ABLIM1: variants seen among roughly 807,000 people sequenced by gnomAD.
ABLIM1 encodes actin binding LIM protein 1.
ABLIM1 carries 40 observed loss-of-function variants against 107.0 expected under a neutral mutation model. The ratio of observed to expected loss-of-function variants is 0.37; its 90% CI spans 0.29 to 0.49. ABLIM1 has a LOEUF of 0.49. ABLIM1 is among the 20% of genes least tolerant of loss of function. The pLI is 0.97. For missense variants in ABLIM1, 857 were observed against 1,008.5 expected (o/e 0.85, Z 2.04); for synonymous variants, 357 against 357.3 (o/e 1.00, Z 0.01).
chr10:114,455,968 G>A (rs1305914244), intron 12 of ABLIM1, among the ~76,000 whole-genome samples: 4 of 151,996 alleles, frequency 2.6e-5, no homozygotes, highest in African/African-American at 7.3e-5. Context: ...GCCCGCCACC[G>A]CGCCCGGCTA....
chr10:114,520,488 G>A (rs1295072718), intron 6 of ABLIM1, among the ~76,000 whole-genome samples: 1 of 152,002 alleles, frequency 6.6e-6, no homozygotes, highest in Non-Finnish European at 1.5e-5. Context: ...GGAAATCAGT[G>A]CCATCGTGGG....
intron 1 of ABLIM1, among the ~76,000 whole-genome samples, chr10:114,734,551 C>G (rs2082141264): frequency 6.6e-6 from 1 of 152,170 alleles, no homozygotes; most frequent in East Asian, 1.9e-4. Context: ...GGAAGGCCCA[C>G]CTCACCCTCT....
intron 6 of ABLIM1, among the ~76,000 whole-genome samples, chr10:114,520,669 A>G (rs1243495830): frequency 6.6e-6 from 1 of 152,002 alleles, no homozygotes; most frequent in Admixed American, 6.6e-5. Context: ...GAAAAAAAAG[A>G]AAGAAAGAAA....
rs1437648137 is a variant in ABLIM1, at chr10:114,512,907, GGAAA to G, written c.895-21033_895-21030del. Among the ~76,000 whole-genome samples the G allele has an allele frequency of 8.3e-3, 1,117 of 134,486 alleles. 21 individuals carry two copies. The highest frequency in any genetic ancestry group is 0.029 in the African/African-American group (987 of 33,668). 88.2% of individuals were successfully genotyped at this position (134,486 alleles called of 152,430 possible). ...AGGAAGGAAGGAAGGAAGGAAGGAA[GGAAA>G]GAAAGAGAGAAAGAAAGAGAGAAAG... On this transcript the variant is annotated intron_variant, in intron 6 of 22. Transcript: ENST00000533213.
intron 1 of ABLIM1, among the ~76,000 whole-genome samples, chr10:114,740,475 C>T (rs2142277447): frequency 6.6e-6 from 1 of 151,784 alleles, no homozygotes; most frequent in South Asian, 2.1e-4. Context: ...CTTACTCTAC[C>T]GAGGAGGAAA....
At chr10:114,460,482 T>C (rs1294390436) in intron 12 of ABLIM1, among the ~76,000 whole-genome samples, 1 of 152,114 alleles carries the variant, frequency 6.6e-6, no homozygotes, top group Non-Finnish European at 1.5e-5. Flanking sequence ...ACGCCTGTAA[T>C]CCCAGCTACT....
Position 114,615,391 on chromosome 10 carries a change from C to T in ABLIM1, c.245-13430G>A, listed in dbSNP as rs569986764. On this transcript the variant is annotated intron_variant, in intron 1 of 22. Transcript: ENST00000533213. ...CAGCTCCCTCTCCTCCTTCTGGTCACACCCTCAAGCTTCTAGGTCACCTCC... is the reference window on the plus strand; with the variant it reads ...CAGCTCCCTCTCCTCCTTCTGGTCATACCCTCAAGCTTCTAGGTCACCTCC... Among the ~76,000 whole-genome samples, 24 of 152,310 alleles carry T rather than the reference C, an allele frequency of 1.6e-4. No individual in the cohort carries two copies. In the East Asian group the frequency reaches 4.1e-3, roughly 26 times the overall value.
At chr10:114,712,804 A>C (rs1234040356) in intron 1 of ABLIM1, among the ~76,000 whole-genome samples, 1 of 152,192 alleles carries the variant, frequency 6.6e-6, no homozygotes, top group Non-Finnish European at 1.5e-5. Flanking sequence ...ACTGTCAATG[A>C]TTTTCTATAA....
At chr10:114,703,607 C>T (rs2081348578) in intron 1 of ABLIM1, among the ~76,000 whole-genome samples, 1 of 152,244 alleles carries the variant, frequency 6.6e-6, no homozygotes, top group African/African-American at 2.4e-5. Context: ...TTAAAGACTA[C>T]AAGTGGCACT....
chr10:114,437,647 G>A (rs1049140887), intron 22 of ABLIM1, among the ~76,000 whole-genome samples, 197 bp downstream of exon 22: 1 of 152,094 alleles, frequency 6.6e-6, no homozygotes, highest in African/African-American at 2.4e-5. Context: ...ATATTACCAG[G>A]CATTTTTATG....
chr10:114,733,745 C>T (rs1390022162), intron 1 of ABLIM1, among the ~76,000 whole-genome samples: 1 of 152,224 alleles, frequency 6.6e-6, no homozygotes, highest in East Asian at 1.9e-4. Context: ...GTATCAGAAA[C>T]ATACGCCTCC....
intron 1 of ABLIM1, among the ~76,000 whole-genome samples, chr10:114,721,109 G>A (rs1056403034): frequency 6.6e-6 from 1 of 152,152 alleles, no homozygotes; most frequent in Non-Finnish European, 1.5e-5. Context: ...GATAAGGAGG[G>A]CTGCCACACT....
chr10:114,632,787 C>T (rs2078270961), intron 1 of ABLIM1: 1 of 985,282 alleles, frequency 1.0e-6, no homozygotes, highest in Admixed American at 6.1e-5. Flanking sequence ...CTTGGATGTG[C>T]ATATACCAGG....
chr10:114,729,232 C>T (rs2082023955), intron 1 of ABLIM1, among the ~76,000 whole-genome samples: 2 of 152,132 alleles, frequency 1.3e-5, no homozygotes, highest in Non-Finnish European at 2.9e-5. Context: ...AGCCAATGTT[C>T]TCCACCATGA....
At chr10:114,665,887 C>T (rs1028488155) in intron 1 of ABLIM1, among the ~76,000 whole-genome samples, 18 of 152,174 alleles carry the variant, frequency 1.2e-4, no homozygotes, top group African/African-American at 4.3e-4. Context: ...CTAAGCTTCC[C>T]AAAAGGGAAT....
At chr10:114,785,944 G>T in the ABLIM1 span, among the ~76,000 whole-genome samples, 1 of 152,162 alleles carries the variant, frequency 6.6e-6, no homozygotes, top group African/African-American at 2.4e-5. Context: ...GGCCAGGCTG[G>T]ACTTGAACTC....
In ABLIM1 at chr10:114,463,208, A is replaced by T. The variant is rs913877478; in HGVS notation, c.1441+2490T>A. 1.2e-5 allele frequency: 15 copies of T among 1,219,666 alleles called. No homozygotes were observed. The African/African-American group carries it at 2.4e-4, about 19-fold the overall frequency. The allele number at this position is 1,219,666 out of a possible 1,614,324, so 75.6% of individuals were successfully genotyped here. On this transcript the variant is annotated intron_variant, in intron 12 of 22. Transcript: ENST00000533213. ...GGGGCAGGGCACGGTGGAAACAGAA[A>T]AGAAGAACAGAAATTAACACAGGAG...
chr10:114,659,090 TCTC>T (rs1473303516), upstream of ABLIM1, among the ~76,000 whole-genome samples: 1 of 152,138 alleles, frequency 6.6e-6, no homozygotes, highest in Non-Finnish European at 1.5e-5. Context: ...TCACACTCCT[TCTC>T]CTGTCATTGG....
chr10:114,680,535 C>T (rs1242164055), intron 1 of ABLIM1, among the ~76,000 whole-genome samples: 1 of 152,194 alleles, frequency 6.6e-6, no homozygotes, highest in African/African-American at 2.4e-5. Flanking sequence ...TCCTCTGTGG[C>T]TCTGGCAGTG....
Sources: allele counts gnomAD v4.1 joint callset (sites outside exome capture counted in the v4.1 genomes callset), GRCh38; gene constraint gnomAD v4.1.1; transcripts MANE v1.5; gene names NCBI Gene and HGNC (gene_info 2026-07-23, HGNC 2026-07-21).